The following PCDH15 variants were observed in gnomAD, a reference collection of about 807,000 sequenced individuals.
PCDH15 encodes protocadherin-15.
A neutral mutation model predicts 178.5 loss-of-function variants in PCDH15; 129 were observed. The ratio of observed to expected loss-of-function variants is 0.72; its 90% CI spans 0.63 to 0.84. PCDH15 has a LOEUF of 0.84. Among genes scored for constraint, PCDH15 ranks in the 40% least tolerant of loss-of-function variants. The pLI is 0.00. For missense variants in PCDH15, 2,230 were observed against 2,099.9 expected (o/e 1.06, Z -1.21); for synonymous variants, 800 against 732.0 (o/e 1.09, Z -1.50).
intron 2 of PCDH15, among the ~76,000 whole-genome samples, chr10:55,574,442 T>G (rs1366978813): frequency 1.3e-5 from 2 of 152,010 alleles, no homozygotes; most frequent in African/African-American, 4.8e-5. Flanking sequence ...GGCAATCAAC[T>G]TTAGAACTAT....
intron 2 of PCDH15, among the ~76,000 whole-genome samples, chr10:54,601,476 A>T (rs1178592990): frequency 6.6e-6 from 1 of 152,062 alleles, no homozygotes; most frequent in Non-Finnish European, 1.5e-5. Context: ...ACACGCAAAT[A>T]AAAACCACAA....
intron 1 of PCDH15, among the ~76,000 whole-genome samples, chr10:54,668,369 T>C (rs2094604897): frequency 6.6e-6 from 1 of 152,194 alleles, no homozygotes; most frequent in African/African-American, 2.4e-5. Flanking sequence ...ATAATTTTCA[T>C]TCAGTAAATG....
rs1564691537 is a variant in PCDH15 at position 53,888,350 on chromosome 10, G to GTACATA, written c.3501+14892_3501+14893insTATGTA. Among the ~76,000 whole-genome samples, 5 of 60,036 alleles carry GTACATA rather than the reference G, an allele frequency of 8.3e-5. 1 individual carries two copies. The South Asian group carries it at 2.5e-3, about 31-fold the overall frequency. The allele number at this position is 60,036 out of a possible 152,430, so 39.4% of individuals were successfully genotyped here. A position where few individuals can be genotyped will look rare whatever the true frequency, so the allele number is the denominator to read the frequency against. Reference sequence around the variant, plus strand: ...TATATATGTACGTATATATATATACGTATATATACATATATATATATATTC... The same window carrying GTACATA: ...TATATATGTACGTATATATATATACGTACATATATATATACATATATATATATATTC... On this transcript the variant is annotated intron_variant, in intron 26 of 37. Coordinates refer to ENST00000644397, the MANE Select transcript of PCDH15 (RefSeq NM_001384140.1).
At chr10:55,355,456 G>A (rs568675253) in intron 2 of PCDH15, among the ~76,000 whole-genome samples, 33 of 152,002 alleles carry the variant, frequency 2.2e-4, no homozygotes, top group East Asian at 5.8e-4. Flanking sequence ...TGATGGTGCC[G>A]CAACATGGTT....
chr10:54,054,848 G>A lies in PCDH15; in HGVS notation c.2220+11909C>T, dbSNP rs138239591. Among the ~76,000 whole-genome samples the A allele has an allele frequency of 6.7e-3, 1,012 of 151,976 alleles. 8 individuals are homozygous for A. The highest frequency in any genetic ancestry group is 0.023 in the African/African-American group (966 of 41,470). The stretch of plus-strand genomic sequence containing the variant: ...TTTTCTTTATCAGAATGAGTTACAG[G>A]GTTTGCATTATATAGTTTGGCTTAA... On this transcript the variant is annotated intron_variant, in intron 18 of 37. Transcript: ENST00000644397.
In PCDH15 at chr10:55,520,246, G is replaced by A. The variant is rs1163031274; in HGVS notation, c.-156+107379C>T. ...ACGCAATGTGTATATATATATACAC[G>A]CAATGTGTATATATATATACACGCA... On this transcript the variant is annotated intron_variant, in intron 2 of 5. Coordinates refer to the PCDH15 transcript ENST00000613346. Among the ~76,000 whole-genome samples the A allele has an allele frequency of 4.0e-4, 24 of 60,344 alleles. 1 individual carries two copies. Among genetic ancestry groups the A allele is most frequent in the Non-Finnish European group, 6.9e-4 (22 of 32,112 alleles). The allele number at this position is 60,344 out of a possible 152,430, so 39.6% of individuals were successfully genotyped here. A position where few individuals can be genotyped will look rare whatever the true frequency, so the allele number is the denominator to read the frequency against.
intron 10 of PCDH15, among the ~76,000 whole-genome samples, chr10:54,209,291 T>G (rs960740229): frequency 2.0e-5 from 3 of 152,086 alleles, no homozygotes; most frequent in South Asian, 2.1e-4. Flanking sequence ...TTAGCGATAC[T>G]CTGTTGGCAG....
chr10:55,198,882 C>A (rs1021457899), intron 1 of PCDH15, among the ~76,000 whole-genome samples: 7 of 152,032 alleles, frequency 4.6e-5, no homozygotes, highest in Non-Finnish European at 5.9e-5. Flanking sequence ...CCTTTGCCTT[C>A]GCCATGACTA....
intron 21 of PCDH15, among the ~76,000 whole-genome samples, chr10:53,964,417 TTTTA>T (rs1329209504): frequency 1.4e-4 from 18 of 132,584 alleles, no homozygotes; most frequent in Admixed American, 1.1e-3. Context: ...TTTTTATAAA[TTTTA>T]TTTATTCATA....
chr10:54,218,894 C>T (rs1336735089), intron 9 of PCDH15, among the ~76,000 whole-genome samples: 2 of 151,950 alleles, frequency 1.3e-5, no homozygotes, highest in African/African-American at 4.8e-5. Context: ...AACAACTTGA[C>T]TTCTCAATAA....
In PCDH15 at chr10:53,806,892, T is replaced by A. The variant is rs767909674; in HGVS notation, c.4910A>T (p.Lys1637Ile). 9.3e-6 allele frequency: 15 copies of A among 1,613,830 alleles called. No individual in the cohort carries two copies. Among genetic ancestry groups the A allele is most frequent in the Non-Finnish European group, 1.3e-5 (15 of 1,179,856 alleles). ...ATGTGTCACTGCCAACTTGTCTAGT[T>A]TCTTAAAGGGCCCTCCCAGTCGAAC... ...SPVRLGGPFK[K>I]LDKLAVTHEE... is the part of the protein sequence containing the mutation. Residue 1637 changes from lysine (K) to isoleucine (I), a missense_variant, in exon 38 of 38, where the codon AAA becomes ATA. Transcript: ENST00000644397.
At chr10:54,273,553 C>T (rs2058170836) in intron 8 of PCDH15, among the ~76,000 whole-genome samples, 1 of 151,786 alleles carries the variant, frequency 6.6e-6, no homozygotes, top group African/African-American at 2.4e-5. Context: ...CACAAGAAAA[C>T]ATTATCAACT....
intron 1 of PCDH15, among the ~76,000 whole-genome samples, chr10:54,677,485 G>T (rs1417823089): frequency 6.6e-6 from 1 of 152,122 alleles, no homozygotes; most frequent in African/African-American, 2.4e-5. Flanking sequence ...CAGTGTGTGT[G>T]TGCGTGCGTG....
intron 2 of PCDH15, among the ~76,000 whole-genome samples, chr10:55,519,311 T>C (rs1013610607): frequency 1.4e-5 from 2 of 145,340 alleles, no homozygotes; most frequent in South Asian, 4.2e-4. Context: ...CCCAATAGAT[T>C]ATATACTGTA....
At chr10:55,278,712 A>G (rs1425064937) in intron 1 of PCDH15, among the ~76,000 whole-genome samples, 4 of 152,236 alleles carry the variant, frequency 2.6e-5, no homozygotes, top group Admixed American at 2.6e-4. Context: ...ATGCATTTGT[A>G]AACTTTTAAA....
At chr10:55,116,843 G>T (rs1305715710) in intron 2 of PCDH15, among the ~76,000 whole-genome samples, 3 of 152,096 alleles carry the variant, frequency 2.0e-5, no homozygotes, top group Non-Finnish European at 4.4e-5. Context: ...TGGACCATAA[G>T]GTCCTCATTC....
chr10:54,520,948 A>C (rs1163426840), intron 3 of PCDH15, among the ~76,000 whole-genome samples: 6 of 151,762 alleles, frequency 4.0e-5, no homozygotes, highest in African/African-American at 1.5e-4. Flanking sequence ...CATTCTCAGC[A>C]AACTATCGCA....
intron 1 of PCDH15, among the ~76,000 whole-genome samples, chr10:54,793,339 T>C (rs1420822938): frequency 2.0e-5 from 3 of 151,884 alleles, no homozygotes; most frequent in African/African-American, 4.8e-5. Flanking sequence ...GCTGAGATTT[T>C]ATACACCCAC....
intron 2 of PCDH15, among the ~76,000 whole-genome samples, chr10:54,654,022 AAC>A: frequency 6.6e-6 from 1 of 152,318 alleles, no homozygotes; most frequent in East Asian, 1.9e-4. Flanking sequence ...GTAATGTTGA[AAC>A]ACACAATGCA....
Sources: allele counts gnomAD v4.1 joint callset (sites outside exome capture counted in the v4.1 genomes callset), GRCh38; gene constraint gnomAD v4.1.1; transcripts MANE v1.5; gene names NCBI Gene and HGNC (gene_info 2026-07-23, HGNC 2026-07-21).